Variants in AKAP12 observed in about 807,000 individuals in gnomAD.
AKAP12 encodes the protein A-kinase anchor protein 12.
Under a neutral mutation model 79.9 loss-of-function variants are expected in AKAP12, and 32 were observed. The observed-to-expected ratio is 0.40, with a 90% confidence interval of 0.30 to 0.54. AKAP12 has a LOEUF of 0.54. AKAP12 is among the 20% of genes least tolerant of loss of function. The probability of loss-of-function intolerance (pLI) is 0.48; values close to 1 mark genes in which losing one functional copy is unlikely to be tolerated. For synonymous variants in AKAP12, 808 were observed against 857.0 expected, an observed-to-expected ratio of 0.94 and a Z score of 1.00; for missense variants, 2,074 against 2,177.0, an observed-to-expected ratio of 0.95 and a Z score of 0.94.
At chr6:151,251,082 T>C (rs1157914404) in intron 2 of AKAP12, among the ~76,000 whole-genome samples, 1 of 152,150 alleles carries the variant, frequency 6.6e-6, no homozygotes, top group Admixed American at 6.6e-5. Flanking sequence ...GAATTGCCAT[T>C]AGTACTACTG....
chr6:151,281,936 G>A (rs2114725404), intron 2 of AKAP12, among the ~76,000 whole-genome samples: 1 of 152,130 alleles, frequency 6.6e-6, no homozygotes, highest in African/African-American at 2.4e-5. Flanking sequence ...GGCTTCAAGA[G>A]ATCCTCCCAC....
rs530045471 is a variant in AKAP12, at chr6:151,302,192, A to G, written c.163-3555A>G. Among the ~76,000 whole-genome samples, 5 of 152,034 alleles carry G rather than the reference A, an allele frequency of 3.3e-5. No individual in the cohort carries two copies. The East Asian group carries it at 9.7e-4, about 29-fold the overall frequency. On this transcript the variant is annotated intron_variant, in intron 2 of 4. Transcript: ENST00000402676. ...CACTTGGCTAATTTTTTGCATTTTT[A>G]GTAGAGACGGGGTTTCACCATGTTA...
At position 151,274,868 on chromosome 6, in the gene AKAP12, C is replaced by T. The variant is rs114364511; in HGVS notation, c.163-30879C>T. On this transcript the variant is annotated intron_variant, in intron 2 of 4. Coordinates refer to ENST00000402676, the MANE Select transcript of AKAP12 (RefSeq NM_005100.4). ...CTGTAATCCCAGCACTTTGGGAGGC[C>T]GAGGCAGATGGATCACTTGAGCTGA... is the stretch of plus-strand genomic sequence containing the variant. 1.5e-3 allele frequency among the ~76,000 whole-genome samples: 222 copies of T among 152,188 alleles called. 1 individual carries two copies. Among genetic ancestry groups the T allele is most frequent in the African/African-American group, 4.8e-3 (199 of 41,530 alleles).
chr6:151,287,556 C>T (rs185728482), intron 2 of AKAP12, among the ~76,000 whole-genome samples: 13 of 152,262 alleles, frequency 8.5e-5, no homozygotes, highest in African/African-American at 2.2e-4. Context: ...CCATCAGGCC[C>T]GGCCATGTTT....
chr6:151,285,634 T>C (rs942681514), intron 2 of AKAP12, among the ~76,000 whole-genome samples: 19 of 152,066 alleles, frequency 1.2e-4, no homozygotes, highest in Non-Finnish European at 2.6e-4. Flanking sequence ...GGGAGGATTA[T>C]GTAAACAAAA....
chr6:151,263,870 C>T (rs879324267), intron 2 of AKAP12, among the ~76,000 whole-genome samples: 15 of 152,166 alleles, frequency 9.9e-5, no homozygotes, highest in South Asian at 4.1e-4. Flanking sequence ...TGAGCCAACA[C>T]GCCCAGCTCT....
chr6:151,246,135 C>T (rs1304401838), intron 2 of AKAP12, among the ~76,000 whole-genome samples: 1 of 152,086 alleles, frequency 6.6e-6, no homozygotes, highest in East Asian at 1.9e-4. Flanking sequence ...AAAATTTAAC[C>T]CGGCAAGGTG....
At chr6:151,330,431 T>G (rs899897760) in intron 3 of AKAP12, among the ~76,000 whole-genome samples, 3 of 152,234 alleles carry the variant, frequency 2.0e-5, no homozygotes, top group African/African-American at 7.2e-5. Context: ...GGAGATTGGG[T>G]GTGTAGCCTA....
At chr6:151,262,146 T>G (rs1797451531) in intron 2 of AKAP12, among the ~76,000 whole-genome samples, 1 of 152,026 alleles carries the variant, frequency 6.6e-6, no homozygotes, top group Non-Finnish European at 1.5e-5. Flanking sequence ...AGATGGGGTT[T>G]CTCCATGTTG....
intron 2 of AKAP12, among the ~76,000 whole-genome samples, chr6:151,291,000 T>C (rs1776607865): frequency 6.6e-6 from 1 of 152,308 alleles, no homozygotes; most frequent in Non-Finnish European, 1.5e-5. Flanking sequence ...CCTGTAACCT[T>C]ACCTGCATAG....
chr6:151,305,956 G>T, intron 3 of AKAP12, 53 bp downstream of exon 3: 1 of 1,536,784 alleles, frequency 6.5e-7, no homozygotes, highest in South Asian at 1.2e-5. Context: ...AACAAACTTT[G>T]GACTCAGCAG....
intron 3 of AKAP12, among the ~76,000 whole-genome samples, chr6:151,311,639 C>T (rs72996056): frequency 0.017 from 2,647 of 152,260 alleles, 35 homozygotes; most frequent in Non-Finnish European, 0.027. Flanking sequence ...TGAGTATTTT[C>T]CCCCAGATAT....
chr6:151,285,547 A>G (rs370810398), intron 2 of AKAP12, among the ~76,000 whole-genome samples: 13 of 152,152 alleles, frequency 8.5e-5, no homozygotes, highest in African/African-American at 3.1e-4. Flanking sequence ...TATTATAGCA[A>G]AGTCCTTTCT....
At chr6:151,319,480 TCTATCTA>T (rs879530674) in intron 3 of AKAP12, among the ~76,000 whole-genome samples, 4,431 of 146,600 alleles carry the variant, frequency 0.03, 243 homozygotes, top group African/African-American at 0.11. Flanking sequence ...TATCTATCTA[TCTATCTA>T]CTATCTATAA....
At chr6:151,294,851 C>T (rs191495273) in intron 2 of AKAP12, among the ~76,000 whole-genome samples, 239 of 152,260 alleles carry the variant, frequency 1.6e-3, no homozygotes, top group Non-Finnish European at 2.9e-3. Flanking sequence ...TGCATGCATC[C>T]GTGGTGTCTT....
intron 2 of AKAP12, among the ~76,000 whole-genome samples, chr6:151,291,110 C>T (rs961622771): frequency 6.6e-6 from 1 of 152,212 alleles, no homozygotes; most frequent in Admixed American, 6.5e-5. Context: ...CCAGTGTCCC[C>T]TTCACCACCT....
intron 2 of AKAP12, chr6:151,280,646 C>CTTTTTT (rs55889576): frequency 8.4e-5 from 10 of 119,522 alleles, no homozygotes; most frequent in African/African-American, 2.4e-4. Context: ...TTTTCATTTT[C>CTTTTTT]TTTTTTTTTT....
At chr6:151,304,093 A>G (rs1776922232) in intron 2 of AKAP12, among the ~76,000 whole-genome samples, 1 of 152,220 alleles carries the variant, frequency 6.6e-6, no homozygotes, top group Non-Finnish European at 1.5e-5. Context: ...ATCTGTATAT[A>G]TAACATTGCT....
At chr6:151,311,131 T>G (rs939043134) in intron 3 of AKAP12, among the ~76,000 whole-genome samples, 3 of 152,226 alleles carry the variant, frequency 2.0e-5, no homozygotes, top group Admixed American at 6.5e-5. Context: ...CTGCGCCAGA[T>G]AGTTCTTTAA....
Sources: gnomAD v4.1 joint callset for allele counts (sites outside exome capture counted in the v4.1 genomes callset) on GRCh38, gnomAD v4.1.1 for gene constraint, MANE v1.5 for transcripts, NCBI Gene and HGNC (gene_info 2026-07-23, HGNC 2026-07-21) for gene names.